Variants in FAM161B observed in about 807,000 individuals in gnomAD.
The protein encoded by FAM161B is FAM161 centrosomal protein B.
Under a neutral mutation model 61.5 loss-of-function variants are expected in FAM161B, and 46 were observed. The observed-to-expected ratio is 0.75, with a 90% CI of 0.59 to 0.96. The LOEUF (loss-of-function observed/expected upper bound fraction) is 0.96. Among genes scored for constraint, FAM161B ranks in the 40% least tolerant of loss-of-function variants. The pLI, the probability that FAM161B is intolerant of heterozygous loss-of-function variation, is 0.00. For missense variants in FAM161B, 774 were observed against 800.7 expected, an observed-to-expected ratio of 0.97 and a Z score of 0.40; for synonymous variants, 284 against 302.7, an observed-to-expected ratio of 0.94 and a Z score of 0.64.
chr14:73,923,632 C>T, the FAM161B span: 26 of 1,398,822 alleles, frequency 1.9e-5, no homozygotes, highest in Middle Eastern at 4.8e-4. Flanking sequence ...AACTTTGGCA[C>T]GAATATTTTC....
chr14:73,930,251 A>G (rs1266587673), downstream of FAM161B, among the ~76,000 whole-genome samples: 2 of 152,212 alleles, frequency 1.3e-5, no homozygotes, highest in African/African-American at 2.4e-5. Flanking sequence ...CAAATGGAAT[A>G]TGTGGTTTCT....
Position 73,949,967 on chromosome 14 carries a change from C to A in FAM161B, c.54+6G>T, listed in dbSNP as rs746202361. 6.2e-7 allele frequency: 1 copy of A among 1,613,610 alleles called. No individual in the cohort carries two copies. Among genetic ancestry groups the A allele is most frequent in the East Asian group, 2.2e-5 (1 of 44,868 alleles). On this transcript the variant is annotated splice_donor_region_variant and intron_variant, in intron 1 of 8. Transcript: ENST00000286544. ...TTCCCGGGGGCAGTCTCTTTTCTCT[C>A]CTCACCTGACGGCTCCCCTCCGCGC...
chr14:73,936,023 T>C lies in FAM161B; in HGVS notation c.1731A>G (p.Glu577=), dbSNP rs766311496. ...CTTGACCCTTGTTTCTCACAAAGTCTTCCTCCAGCCCAGCCTGCTTCAGGG... is the reference window on the plus strand; with the variant it reads ...CTTGACCCTTGTTTCTCACAAAGTCCTCCTCCAGCCCAGCCTGCTTCAGGG... ...LDTLKQAGLE[E]DFVRNKGQGT... The change falls in exon 8 of 9, where the codon GAA becomes GAG. Residue 577 remains glutamate (E), a synonymous_variant. Coordinates refer to ENST00000286544, the MANE Select transcript of FAM161B (RefSeq NM_152445.3). 9 of 1,614,030 alleles carry C rather than the reference T, an allele frequency of 5.6e-6. No homozygotes were observed. The South Asian group carries it at 8.8e-5, about 16-fold the overall frequency.
Position 73,941,478 on chromosome 14 carries a change from A to AT in FAM161B, c.1273-426dup, listed in dbSNP as rs933580923. On this transcript the variant is annotated intron_variant, in intron 4 of 8. Coordinates refer to ENST00000286544, the MANE Select transcript of FAM161B (RefSeq NM_152445.3). Reference sequence around the variant, plus strand: ...TGAAGGACTGAAAATGAGAATCTTCATTTTTTTTCCTGGGAATAAGGCAAG... The same window carrying AT: ...TGAAGGACTGAAAATGAGAATCTTCATTTTTTTTTCCTGGGAATAAGGCAAG... Among the ~76,000 whole-genome samples, 17 of 151,906 alleles carry AT rather than the reference A, an allele frequency of 1.1e-4. No individual in the cohort carries two copies. The East Asian group carries it at 2.1e-3, about 19-fold the overall frequency.
At chr14:73,923,916 T>C in the FAM161B span, among the ~76,000 whole-genome samples, 3 of 152,134 alleles carry the variant, frequency 2.0e-5, no homozygotes. Context: ...TTGGGTGAAA[T>C]TTCTGTACCA....
chr14:73,949,587 G>C (rs2056109721), intron 1 of FAM161B, among the ~76,000 whole-genome samples: 1 of 148,200 alleles, frequency 6.7e-6, no homozygotes, highest in Admixed American at 6.8e-5. Context: ...TCGAACTCCT[G>C]ACCTCAGGTG....
intron 2 of FAM161B, 54 bp downstream of exon 2, chr14:73,946,232 T>C (rs928445280): frequency 3.9e-6 from 6 of 1,531,090 alleles, no homozygotes; most frequent in Admixed American, 1.8e-5. Context: ...AGAGACACGA[T>C]GTGACCTGTG....
intron 1 of FAM161B, 47 bp from the exon 2 acceptor site, chr14:73,946,652 G>A (rs766944507): frequency 6.3e-5 from 99 of 1,565,640 alleles, no homozygotes; most frequent in Non-Finnish European, 5.6e-5. Context: ...TAATTTCAAA[G>A]GTATTCAAAT....
rs1428651058 is a variant in FAM161B, at chr14:73,944,798, C to A, written c.462G>T (p.Arg154=). The A allele has an allele frequency of 1.9e-6, 3 of 1,577,846 alleles. No individual in the cohort carries two copies. Among genetic ancestry groups the A allele is most frequent in the Admixed American group, 1.8e-5 (1 of 55,644 alleles). ...RPQTQPPSGS[R]PPSQHRSVSS... is the part of the protein sequence containing the mutation. ...TGACGCTTCTGTGCTGGGAGGGAGG[C>A]CGGGAGCCTGAGGGTGGCTGGGTCT... Residue 154 remains arginine (R), a synonymous_variant, in exon 3 of 9, where the codon CGG becomes CGT. Transcript: ENST00000286544.
rs1271645161 is a variant in FAM161B, at chr14:73,950,086, G to A, written c.-60C>T. On this transcript the variant is annotated 5_prime_UTR_variant, in exon 1 of 9. Coordinates refer to ENST00000286544, the MANE Select transcript of FAM161B (RefSeq NM_152445.3). ...CGATAGTGGCAGCAGCGGTGGCAGC[G>A]AGAGCTATGCGGGGCCAGGGTCCAC... 3.1e-6 allele frequency: 5 copies of A among 1,605,766 alleles called. No homozygotes were observed. The South Asian group carries it at 5.5e-5, about 18-fold the overall frequency.
At chr14:73,940,785 A>G (rs2056011164) in intron 5 of FAM161B, 141 bp downstream of exon 5, 15 of 1,215,346 alleles carry the variant, frequency 1.2e-5, no homozygotes, top group African/African-American at 1.5e-5. Context: ...GAGAACCGCA[A>G]TTGTTCCAGT....
downstream of FAM161B, among the ~76,000 whole-genome samples, chr14:73,926,898 T>C (rs558419927): frequency 6.6e-6 from 1 of 152,312 alleles, no homozygotes; most frequent in East Asian, 1.9e-4. Flanking sequence ...CAAGAATATT[T>C]CATAAATGGT....
rs991542217 is a variant in FAM161B, at chr14:73,944,708, C to A, written c.552G>T (p.Lys184Asn). ...CAGGTGAGCCCAGCCACTCGGCCTT[C>A]TTCCGGGCCTCGCGCAGCGTCATGC... ...PFRMTLREAR[K>N]KAEWLGSPAS... Residue 184 changes from lysine to asparagine, a missense_variant, in exon 3 of 9, where the codon AAG (lysine) becomes AAT (asparagine). By Grantham distance (94) the Lys-to-Asn change is moderately conservative (BLOSUM62 0). Coordinates refer to ENST00000286544, the MANE Select transcript of FAM161B (RefSeq NM_152445.3). 4 of 1,605,722 alleles carry A rather than the reference C, an allele frequency of 2.5e-6. No homozygotes were observed. The highest frequency in any genetic ancestry group is 3.4e-6 in the Non-Finnish European group (4 of 1,173,758).
At chr14:73,934,972 G>A (rs1226639053) in intron 8 of FAM161B, among the ~76,000 whole-genome samples, 1 of 151,844 alleles carries the variant, frequency 6.6e-6, no homozygotes, top group South Asian at 2.1e-4. Flanking sequence ...GCTTGAACCC[G>A]GGAAGCGGAG....
intron 4 of FAM161B, among the ~76,000 whole-genome samples, chr14:73,941,311 G>A (rs1180949500): frequency 3.9e-5 from 6 of 151,974 alleles, no homozygotes; most frequent in South Asian, 2.1e-4. Context: ...TAGTACAGAC[G>A]GGGTTTCACC....
intron 3 of FAM161B, 47 bp downstream of exon 3, chr14:73,944,288 T>A: frequency 6.5e-7 from 1 of 1,532,948 alleles, no homozygotes; most frequent in South Asian, 1.3e-5. Context: ...TATGGTGGGA[T>A]TGGTTCCCCG....
At chr14:73,938,568 C>T (rs554041805) in intron 5 of FAM161B, among the ~76,000 whole-genome samples, 17 of 151,914 alleles carry the variant, frequency 1.1e-4, no homozygotes, top group Admixed American at 3.9e-4. Flanking sequence ...GTCAGGAGAT[C>T]GAGACTATCC....
chr14:73,941,163 G>A, intron 4 of FAM161B, 110 bp from the exon 5 acceptor site: 1 of 1,335,974 alleles, frequency 7.5e-7, no homozygotes, highest in Non-Finnish European at 9.8e-7. Flanking sequence ...TTTTGCCCAG[G>A]CTGGAGTGCA....
In FAM161B at chr14:73,945,708, C is replaced by T. The variant is rs577538849; in HGVS notation, c.374+578G>A. Among the ~76,000 whole-genome samples, 345 of 151,776 alleles carry T rather than the reference C, an allele frequency of 2.3e-3. 2 individuals carry two copies. The highest frequency in any genetic ancestry group is 7.9e-3 in the African/African-American group (326 of 41,352). On this transcript the variant is annotated intron_variant, in intron 2 of 8. Transcript: ENST00000286544. ...CTTCCCAAAGTGCTGGAATTAGAGG[C>T]GTAAACACGGTGCCCGGCCCATTTT...
Sources: allele counts gnomAD v4.1 joint callset (sites outside exome capture counted in the v4.1 genomes callset), GRCh38; gene constraint gnomAD v4.1.1; transcripts MANE v1.5; gene names NCBI Gene and HGNC (gene_info 2026-07-23, HGNC 2026-07-21).